TRPM3: variants seen among roughly 807,000 people sequenced by gnomAD.
TRPM3 encodes long transient receptor potential channel 3.
Under a neutral mutation model 181.2 loss-of-function variants are expected in TRPM3, and 77 were observed. The observed-to-expected ratio is 0.42, with a 90% CI of 0.35 to 0.51. The LOEUF is 0.51. TRPM3 is among the 20% of genes least tolerant of loss of function. TRPM3 has a pLI of 0.01. For missense variants in TRPM3, 1,759 were observed against 2,196.7 expected, an observed-to-expected ratio of 0.80 and a Z score of 3.98; for synonymous variants, 745 against 796.4, an observed-to-expected ratio of 0.94 and a Z score of 1.09.
chr9:70,975,730 C>T (rs957710732), intron 1 of TRPM3, among the ~76,000 whole-genome samples: 2 of 152,166 alleles, frequency 1.3e-5, no homozygotes, highest in Non-Finnish European at 2.9e-5. Context: ...TCTTGGCCAG[C>T]CTTCCTCTCA....
At chr9:70,975,916 G>A (rs2097297540) in intron 1 of TRPM3, among the ~76,000 whole-genome samples, 1 of 152,172 alleles carries the variant, frequency 6.6e-6, no homozygotes, top group African/African-American at 2.4e-5. Flanking sequence ...TGGCTGCTGT[G>A]AGAATTCAAT....
At chr9:70,989,162 A>T (rs2097451760) in intron 1 of TRPM3, among the ~76,000 whole-genome samples, 1 of 152,222 alleles carries the variant, frequency 6.6e-6, no homozygotes, top group African/African-American at 2.4e-5. Context: ...CATATCATGG[A>T]ATCATATGTT....
intron 1 of TRPM3, among the ~76,000 whole-genome samples, chr9:71,073,746 C>T (rs1441672132): frequency 2.6e-5 from 4 of 151,556 alleles, no homozygotes; most frequent in South Asian, 4.2e-4. Flanking sequence ...ATGACAGGAA[C>T]GCCATGATGC....
At chr9:70,563,323 C>T (rs1030013350) in intron 22 of TRPM3, among the ~76,000 whole-genome samples, 48 of 152,166 alleles carry the variant, frequency 3.2e-4, no homozygotes, top group African/African-American at 1.1e-3. Flanking sequence ...TCAATACGTG[C>T]TTATGGCGTT....
At chr9:70,880,081 T>C (rs944424033) in intron 1 of TRPM3, among the ~76,000 whole-genome samples, 1 of 152,146 alleles carries the variant, frequency 6.6e-6, no homozygotes, top group Admixed American at 6.6e-5. Flanking sequence ...TAATAGCTCA[T>C]TTGAAGGATA....
At chr9:70,923,581 C>T (rs945320090) in intron 1 of TRPM3, among the ~76,000 whole-genome samples, 8 of 151,888 alleles carry the variant, frequency 5.3e-5, no homozygotes, top group African/African-American at 1.7e-4. Flanking sequence ...AAGGAGAAAA[C>T]TGCCTAGATT....
intron 1 of TRPM3, among the ~76,000 whole-genome samples, chr9:71,078,714 A>C (rs1377936801): frequency 1.3e-5 from 2 of 152,240 alleles, no homozygotes; most frequent in Non-Finnish European, 2.9e-5. Flanking sequence ...CTTTTTAAAT[A>C]GTATAAGAGT....
rs150642264 is a variant in TRPM3, at chr9:70,542,077, C to T, written c.3708-4672G>A. 3.0e-3 allele frequency among the ~76,000 whole-genome samples: 449 copies of T among 152,202 alleles called. 2 individuals carry two copies. Among genetic ancestry groups the T allele is most frequent in the African/African-American group, 0.01 (429 of 41,526 alleles). On this transcript the variant is annotated intron_variant, in intron 25 of 25. Transcript: ENST00000677713. ...CTGAGGCTGTGGTGAGCCCAGATGGCGCCATTGTACTCCAGCCTGGGTGAT... is the reference window on the plus strand; with the variant it reads ...CTGAGGCTGTGGTGAGCCCAGATGGTGCCATTGTACTCCAGCCTGGGTGAT...
At chr9:70,548,139 A>C (rs2045524424) in intron 25 of TRPM3, among the ~76,000 whole-genome samples, 1 of 152,250 alleles carries the variant, frequency 6.6e-6, no homozygotes, top group African/African-American at 2.4e-5. Context: ...ATGTGTCCAC[A>C]TAGAACAATT....
At chr9:71,231,069 T>C (rs1202605502) in intron 1 of TRPM3, among the ~76,000 whole-genome samples, 1 of 152,194 alleles carries the variant, frequency 6.6e-6, no homozygotes, top group Non-Finnish European at 1.5e-5. Flanking sequence ...TACTTTGACA[T>C]ACAATATACA....
intron 9 of TRPM3, among the ~76,000 whole-genome samples, chr9:70,679,296 TA>T (rs772667771): frequency 9.9e-5 from 15 of 152,228 alleles, no homozygotes; most frequent in Non-Finnish European, 1.9e-4. Flanking sequence ...GGTTATAATA[TA>T]AAATGTATTT....
intron 1 of TRPM3, among the ~76,000 whole-genome samples, chr9:71,330,416 T>G (rs1305043167): frequency 1.3e-5 from 2 of 151,890 alleles, no homozygotes; most frequent in Non-Finnish European, 2.9e-5. Flanking sequence ...TTCAGAATCC[T>G]ATACTAATTA....
At chr9:70,616,254 A>G (rs1369810381) in intron 17 of TRPM3, among the ~76,000 whole-genome samples, 179 bp from the exon 18 acceptor site, 1 of 152,080 alleles carries the variant, frequency 6.6e-6, no homozygotes, top group Non-Finnish European at 1.5e-5. Context: ...AGTAACTAAC[A>G]TATTAACATA....
At chr9:70,691,267 G>A (rs2068460539) in intron 8 of TRPM3, among the ~76,000 whole-genome samples, 1 of 152,126 alleles carries the variant, frequency 6.6e-6, no homozygotes, top group Middle Eastern at 3.2e-3. Flanking sequence ...GAAATTGGGT[G>A]AAATTGATAT....
chr9:70,755,324 G>A (rs954995902), intron 8 of TRPM3, among the ~76,000 whole-genome samples: 7 of 151,674 alleles, frequency 4.6e-5, no homozygotes, highest in Non-Finnish European at 1.0e-4. Flanking sequence ...AGATCTCTCC[G>A]CAGAAACCCT....
At chr9:71,156,393 A>G (rs1048362767) in intron 1 of TRPM3, among the ~76,000 whole-genome samples, 1 of 146,438 alleles carries the variant, frequency 6.8e-6, no homozygotes, top group African/African-American at 2.6e-5. Context: ...ACACACACAC[A>G]CACACACACA....
intron 5 of TRPM3, among the ~76,000 whole-genome samples, chr9:70,839,828 T>C (rs2094533743): frequency 6.6e-6 from 1 of 152,150 alleles, no homozygotes; most frequent in Admixed American, 6.6e-5. Flanking sequence ...TAATAATACA[T>C]TGTTTTGTTT....
At chr9:70,960,696 C>T (rs138987039) in intron 1 of TRPM3, among the ~76,000 whole-genome samples, 75 of 152,258 alleles carry the variant, frequency 4.9e-4, no homozygotes, top group African/African-American at 1.8e-3. Context: ...CATGGGTGGG[C>T]ACGTGGGTAC....
At position 71,354,363 on chromosome 9, in the gene TRPM3, C is replaced by T. The variant is rs138529997; in HGVS notation, c.183+92290G>A. 5.9e-3 allele frequency among the ~76,000 whole-genome samples: 891 copies of T among 152,212 alleles called. 4 individuals are homozygous for T. The highest frequency in any genetic ancestry group is 8.1e-3 in the Non-Finnish European group (553 of 67,996). On this transcript the variant is annotated intron_variant, in intron 1 of 24. Coordinates refer to the TRPM3 transcript ENST00000357533. ...CTTGGCAGACCCCAAAGATACTCCC[C>T]GCATCCCATCCACCCACACACTCAT...
Sources: gnomAD v4.1 joint callset for allele counts (sites outside exome capture counted in the v4.1 genomes callset) on GRCh38, gnomAD v4.1.1 for gene constraint, MANE v1.5 for transcripts, NCBI Gene and HGNC (gene_info 2026-07-23, HGNC 2026-07-21) for gene names.